Variants in RIMS2 observed in about 807,000 individuals in gnomAD.
RIMS2 encodes the protein regulating synaptic membrane exocytosis 2.
A neutral mutation model predicts 174.4 loss-of-function variants in RIMS2; 59 were observed. The ratio of observed to expected loss-of-function variants is 0.34; its 90% CI spans 0.27 to 0.42. RIMS2 has a LOEUF of 0.42. RIMS2 is among the 10% of genes least tolerant of loss of function. RIMS2 has a pLI of 1.00. For missense variants in RIMS2, 1,620 were observed against 1,666.3 expected (o/e 0.97, Z 0.48); for synonymous variants, 606 against 572.5 (o/e 1.06, Z -0.84).
intron 17 of RIMS2, among the ~76,000 whole-genome samples, chr8:103,996,128 C>A (rs977274459): frequency 6.6e-6 from 1 of 151,736 alleles, no homozygotes; most frequent in Non-Finnish European, 1.5e-5. Flanking sequence ...ATGATGGACT[C>A]CTGTGTTTTG....
chr8:103,705,741 G>A (rs1358066565), intron 2 of RIMS2, among the ~76,000 whole-genome samples: 1 of 151,390 alleles, frequency 6.6e-6, no homozygotes, highest in East Asian at 1.9e-4. Flanking sequence ...AGCTTCTGCT[G>A]ATCTGTTTTG....
intron 3 of RIMS2, among the ~76,000 whole-genome samples, chr8:103,813,714 C>T (rs933109808): frequency 6.6e-6 from 1 of 152,140 alleles, no homozygotes; most frequent in African/African-American, 2.4e-5. Flanking sequence ...CATCCATGTC[C>T]CTACAAAGGA....
intron 16 of RIMS2, 138 bp from the exon 19 acceptor site, chr8:103,989,167 G>A (rs2094538633): frequency 4.9e-6 from 3 of 618,200 alleles, no homozygotes; most frequent in Middle Eastern, 2.9e-4. Flanking sequence ...CCTTTAGTTA[G>A]AGATGCAATT....
intron 19 of RIMS2, among the ~76,000 whole-genome samples, chr8:104,108,286 C>CATATCTCACTGCATGATA (rs1446561617): frequency 1.3e-5 from 2 of 151,770 alleles, no homozygotes; most frequent in African/African-American, 4.8e-5. Context: ...CAGGCTGTAT[C>CATATCTCACTGCATGATA]ATATCTCACT....
intron 1 of RIMS2, among the ~76,000 whole-genome samples, chr8:103,607,107 T>G (rs1221895864): frequency 6.6e-6 from 1 of 152,184 alleles, no homozygotes; most frequent in Non-Finnish European, 1.5e-5. Context: ...CGATGGTCTT[T>G]ACATTTTGGC....
intron 19 of RIMS2, among the ~76,000 whole-genome samples, chr8:104,019,232 G>T (rs143589486): frequency 1.1e-3 from 162 of 152,058 alleles, no homozygotes; most frequent in African/African-American, 3.5e-3. Flanking sequence ...CAGTAAATCA[G>T]TATATTTTTA....
intron 19 of RIMS2, among the ~76,000 whole-genome samples, chr8:104,124,323 C>T (rs2098410945): frequency 6.6e-6 from 1 of 151,930 alleles, no homozygotes. Context: ...TGCCAGTGGA[C>T]TTAGAAATAT....
At chr8:104,139,478 TC>T (rs2098549126) in intron 19 of RIMS2, among the ~76,000 whole-genome samples, 8 of 152,172 alleles carry the variant, frequency 5.3e-5, no homozygotes, top group Non-Finnish European at 2.9e-5. Flanking sequence ...ATATTTCACT[TC>T]TTTGGTTAAG....
At chr8:103,605,213 T>A (rs1304019444) in intron 1 of RIMS2, among the ~76,000 whole-genome samples, 1 of 114,806 alleles carries the variant, frequency 8.7e-6, no homozygotes, top group African/African-American at 3.9e-5. Context: ...GCATGAAGAG[T>A]TGTTGAATTT....
intron 4 of RIMS2, among the ~76,000 whole-genome samples, chr8:103,891,737 C>T (rs1386922343): frequency 6.6e-6 from 1 of 151,984 alleles, no homozygotes; most frequent in Admixed American, 6.6e-5. Context: ...ATGTTTGAAT[C>T]AATTCTTACA....
chr8:103,591,193 A>T (rs1470614209), intron 1 of RIMS2, among the ~76,000 whole-genome samples: 1 of 151,062 alleles, frequency 6.6e-6, no homozygotes, highest in African/African-American at 2.4e-5. Context: ...CTTATTGATC[A>T]TTCATACATA....
At chr8:104,094,958 G>T (rs961666440) in intron 19 of RIMS2, among the ~76,000 whole-genome samples, 8 of 152,004 alleles carry the variant, frequency 5.3e-5, no homozygotes, top group Admixed American at 5.2e-4. Context: ...TGGTTACCAA[G>T]TTCGTTATGA....
chr8:103,533,300 G>T (rs534078014), intron 1 of RIMS2, among the ~76,000 whole-genome samples: 41 of 152,258 alleles, frequency 2.7e-4, no homozygotes, highest in African/African-American at 8.2e-4. Flanking sequence ...ATTGGGAGCA[G>T]CATTTCTAGT....
At chr8:103,882,748 A>G (rs889456163) in intron 3 of RIMS2, among the ~76,000 whole-genome samples, 2 of 151,576 alleles carry the variant, frequency 1.3e-5, no homozygotes, top group East Asian at 1.9e-4. Flanking sequence ...ATGGCTTGCT[A>G]GTGACTAATT....
intron 3 of RIMS2, among the ~76,000 whole-genome samples, chr8:103,787,060 TA>T (rs1178523133): frequency 6.7e-6 from 1 of 149,260 alleles, no homozygotes; most frequent in Non-Finnish European, 1.5e-5. Context: ...TTTGTTGGTT[TA>T]AAGTCTGTTT....
intron 17 of RIMS2, among the ~76,000 whole-genome samples, chr8:103,990,068 C>T (rs561554897): frequency 2.6e-5 from 4 of 152,002 alleles, no homozygotes; most frequent in Non-Finnish European, 4.4e-5. Flanking sequence ...TTAAGCAAAT[C>T]GATAAACTCT....
intron 19 of RIMS2, among the ~76,000 whole-genome samples, chr8:104,203,466 G>A (rs947336221): frequency 7.3e-6 from 1 of 136,386 alleles, no homozygotes; most frequent in Non-Finnish European, 1.6e-5. Flanking sequence ...AGTTTTAGGA[G>A]TTATTAGACA....
rs540789585 is a variant in RIMS2 at position 103,511,748 on chromosome 8, A to G, written c.176+10686A>G. Among the ~76,000 whole-genome samples, 5 of 152,352 alleles carry G rather than the reference A, an allele frequency of 3.3e-5. No individual in the cohort carries two copies. In the East Asian group the frequency reaches 9.6e-4, roughly 29 times the overall value. On this transcript the variant is annotated intron_variant, in intron 1 of 23. Transcript: ENST00000504942. ...TATGTTAGGATAGACTAGATATCAG[A>G]GTCCAGTCTTGATAGAAACTATAAT...
chr8:103,712,896 A>G (rs1287829826), intron 2 of RIMS2, among the ~76,000 whole-genome samples: 3 of 152,244 alleles, frequency 2.0e-5, no homozygotes, highest in Non-Finnish European at 2.9e-5. Context: ...GAAAAATAAA[A>G]GAATTTTTTT....
Sources: allele counts gnomAD v4.1 joint callset (sites outside exome capture counted in the v4.1 genomes callset), GRCh38; gene constraint gnomAD v4.1.1; transcripts MANE v1.5; gene names NCBI Gene and HGNC (gene_info 2026-07-23, HGNC 2026-07-21).